C8orf89: variants seen among roughly 807,000 people sequenced by gnomAD.
C8orf89 encodes chromosome 8 open reading frame 89, also known as putative uncharacterized protein C8orf89.
A neutral mutation model predicts 15.8 loss-of-function variants in C8orf89; 14 were observed. That is an observed-to-expected ratio of 0.89 (90% CI 0.59 to 1.39). C8orf89 has a LOEUF of 1.39. Among genes scored for constraint, C8orf89 ranks in the 40% most tolerant of loss-of-function variants. C8orf89 has a pLI of 0.00. For missense variants in C8orf89, 181 were observed against 184.5 expected (o/e 0.98, Z 0.11); for synonymous variants, 55 against 62.2 (o/e 0.88, Z 0.54).
intron 3 of C8orf89, among the ~76,000 whole-genome samples, chr8:73,248,443 GA>G (rs1445239116): frequency 1.6e-4 from 25 of 152,058 alleles, no homozygotes; most frequent in African/African-American, 6.0e-4. Flanking sequence ...GGTTCCATAT[GA>G]ATTTTAAAAT....
At chr8:73,256,597 G>A (rs754857312) in intron 2 of C8orf89, among the ~76,000 whole-genome samples, 68 of 151,312 alleles carry the variant, frequency 4.5e-4, no homozygotes, top group Non-Finnish European at 7.2e-4. Context: ...GCGTGGTGGC[G>A]GGCGCCTGTA....
the C8orf89 span, among the ~76,000 whole-genome samples, chr8:73,269,564 T>C: frequency 6.6e-6 from 1 of 152,196 alleles, no homozygotes; most frequent in Non-Finnish European, 1.5e-5. Flanking sequence ...CCACCAACCC[T>C]TACAGCGACT....
the C8orf89 span, among the ~76,000 whole-genome samples, chr8:73,267,187 G>GT: frequency 6.6e-6 from 1 of 152,108 alleles, no homozygotes; most frequent in African/African-American, 2.4e-5. Context: ...TATATGCTAT[G>GT]TTTTTTCCTA....
In C8orf89 at chr8:73,250,326, G is replaced by A. The variant is rs1380837019; in HGVS notation, c.282-3C>T. Reference sequence around the variant, plus strand: ...ATGTCTCCTTAGTCTTCTTTAGCCTGAATATTATATATTATCATAAAATTA... The same window carrying A: ...ATGTCTCCTTAGTCTTCTTTAGCCTAAATATTATATATTATCATAAAATTA... On this transcript the variant is annotated splice_polypyrimidine_tract_variant and splice_region_variant and intron_variant, in intron 2 of 3. Transcript: ENST00000624510. 3 of 1,505,952 alleles carry A rather than the reference G, an allele frequency of 2.0e-6. No homozygotes were observed. In the Admixed American group the frequency reaches 5.9e-5, roughly 30 times the overall value. The allele number at this position is 1,505,952 out of a possible 1,614,324, so 93.3% of individuals were successfully genotyped here. A position where few individuals can be genotyped will look rare whatever the true frequency, so the allele number is the denominator to read the frequency against.
intron 3 of C8orf89, among the ~76,000 whole-genome samples, chr8:73,245,436 T>C (rs1053396737): frequency 6.6e-6 from 1 of 152,270 alleles, no homozygotes; most frequent in East Asian, 1.9e-4. Flanking sequence ...GTTGAAAATT[T>C]AAAACATAGG....
intron 2 of C8orf89, among the ~76,000 whole-genome samples, chr8:73,253,916 CCCTTTATTT>C (rs1813306944): frequency 6.6e-6 from 1 of 150,646 alleles, no homozygotes; most frequent in African/African-American, 2.5e-5. Context: ...TAATTGAATA[CCCTTTATTT>C]CCTTCTCCTG....
chr8:73,271,936 C>G, the C8orf89 span, among the ~76,000 whole-genome samples: 1 of 152,198 alleles, frequency 6.6e-6, no homozygotes, highest in Non-Finnish European at 1.5e-5. Context: ...TAACCTAGTA[C>G]ACTGCTTTAA....
At chr8:73,284,922 TATG>T in the C8orf89 span, among the ~76,000 whole-genome samples, 1 of 152,260 alleles carries the variant, frequency 6.6e-6, no homozygotes, top group African/African-American at 2.4e-5. Flanking sequence ...CTCCAGTTTT[TATG>T]ATGTCTATGA....
chr8:73,269,908 C>T, the C8orf89 span, among the ~76,000 whole-genome samples: 5 of 152,152 alleles, frequency 3.3e-5, no homozygotes, highest in Admixed American at 6.5e-5. Context: ...GTGACCTCAA[C>T]ATAGAGATCT....
At chr8:73,276,367 G>T in the C8orf89 span, among the ~76,000 whole-genome samples, 1 of 151,808 alleles carries the variant, frequency 6.6e-6, no homozygotes, top group East Asian at 1.9e-4. Flanking sequence ...TAGTAGAGAC[G>T]GGGTTTCATC....
At chr8:73,265,842 G>A in the C8orf89 span, among the ~76,000 whole-genome samples, 2 of 152,188 alleles carry the variant, frequency 1.3e-5, no homozygotes, top group Non-Finnish European at 2.9e-5. Flanking sequence ...AACAGTACCT[G>A]ACATCATCAT....
the C8orf89 span, among the ~76,000 whole-genome samples, chr8:73,285,359 C>T: frequency 1.3e-5 from 2 of 152,180 alleles, no homozygotes; most frequent in Non-Finnish European, 2.9e-5. Context: ...TCTCATCCCC[C>T]GACCCCACCT....
In C8orf89 at chr8:73,254,440, G is replaced by A. The variant is rs544109721; in HGVS notation, c.281+2533C>T. ...CCAGCTTTGGTATCAGGATGATGCT[G>A]GCCCAAACTGAAAACACCACCACTT... On this transcript the variant is annotated intron_variant, in intron 2 of 3. Coordinates refer to ENST00000624510, the MANE Select transcript of C8orf89 (RefSeq NM_001243237.3). Among the ~76,000 whole-genome samples the A allele has an allele frequency of 2.3e-3, 347 of 152,214 alleles. 4 individuals carry two copies. The highest frequency in any genetic ancestry group is 7.8e-3 in the African/African-American group (323 of 41,510).
At chr8:73,281,442 A>G in the C8orf89 span, among the ~76,000 whole-genome samples, 1 of 152,198 alleles carries the variant, frequency 6.6e-6, no homozygotes, top group Non-Finnish European at 1.5e-5. Context: ...ATTCATTGAG[A>G]AAGATATTTA....
chr8:73,254,398 T>C lies in C8orf89; in HGVS notation c.281+2575A>G, dbSNP rs1813320207. Among the ~76,000 whole-genome samples the C allele has an allele frequency of 3.9e-5, 6 of 152,280 alleles. No homozygotes were observed. In the South Asian group the frequency reaches 1.2e-3, roughly 32 times the overall value. ...AGGATATTGGTCTAAAATTCTCTTTTTTGGTTGTGTCTCTGCCCAGCTTTG... is the reference window on the plus strand; with the variant it reads ...AGGATATTGGTCTAAAATTCTCTTTCTTGGTTGTGTCTCTGCCCAGCTTTG... On this transcript the variant is annotated intron_variant, in intron 2 of 3. Transcript: ENST00000624510.
the C8orf89 span, among the ~76,000 whole-genome samples, chr8:73,272,604 C>G: frequency 6.6e-6 from 1 of 151,826 alleles, no homozygotes; most frequent in African/African-American, 2.4e-5. Flanking sequence ...TCCCTCCCCC[C>G]TCTCCCCACC....
chr8:73,272,064 C>T, the C8orf89 span, among the ~76,000 whole-genome samples: 3 of 152,122 alleles, frequency 2.0e-5, no homozygotes, highest in African/African-American at 4.8e-5. Context: ...GGCCAAGAAT[C>T]GACTAATGGC....
intron 3 of C8orf89, among the ~76,000 whole-genome samples, chr8:73,249,053 G>A (rs541684421): frequency 3.3e-5 from 5 of 152,320 alleles, no homozygotes; most frequent in African/African-American, 1.2e-4. Context: ...GATGTTGGCT[G>A]TGGGTTTGTC....
chr8:73,243,110 T>C lies in C8orf89; in HGVS notation c.338-1505A>G, dbSNP rs966927351. On this transcript the variant is annotated intron_variant, in intron 3 of 3. Coordinates refer to ENST00000624510, the MANE Select transcript of C8orf89 (RefSeq NM_001243237.3). The stretch of plus-strand genomic sequence containing the variant: ...TTGTGGGTGCTAAAAACTAGAACAA[T>C]TGAACTCATGGAGATAGAGACTAGA... 8.5e-5 allele frequency among the ~76,000 whole-genome samples: 13 copies of C among 152,140 alleles called. No homozygotes were observed. In the East Asian group the frequency reaches 2.3e-3, roughly 27 times the overall value.
Sources: allele counts gnomAD v4.1 joint callset (sites outside exome capture counted in the v4.1 genomes callset), GRCh38; gene constraint gnomAD v4.1.1; transcripts MANE v1.5; gene names NCBI Gene and HGNC (gene_info 2026-07-23, HGNC 2026-07-21).